EEF1AKMT1: variants seen among roughly 807,000 people sequenced by gnomAD.
EEF1AKMT1 encodes N-6 adenine-specific DNA methyltransferase 2 (putative).
Under a neutral mutation model 21.0 loss-of-function variants are expected in EEF1AKMT1, and 18 were observed. The ratio of observed to expected loss-of-function variants is 0.86; its 90% CI spans 0.59 to 1.27. The LOEUF (loss-of-function observed/expected upper bound fraction) is 1.27, where lower values mean the gene tolerates loss of function less well. EEF1AKMT1 is among the 50% of genes most tolerant of loss of function. EEF1AKMT1 has a pLI of 0.00. For synonymous variants in EEF1AKMT1, 109 were observed against 94.8 expected (o/e 1.15, Z -0.87); for missense variants, 246 against 258.6 (o/e 0.95, Z 0.33).
chr13:20,751,910 G>A (rs946119624), intron 2 of EEF1AKMT1, among the ~76,000 whole-genome samples: 38 of 152,028 alleles, frequency 2.5e-4, no homozygotes, highest in African/African-American at 8.7e-4. Flanking sequence ...TGTAGCTATT[G>A]TAAACAGGAT....
intron 2 of EEF1AKMT1, among the ~76,000 whole-genome samples, chr13:20,755,389 C>T (rs747366462): frequency 4.6e-5 from 7 of 152,352 alleles, no homozygotes; most frequent in South Asian, 2.1e-4. Context: ...AAAGCCATCA[C>T]GTGGTCTCCA....
At chr13:20,756,705 G>A (rs2058973772) in intron 2 of EEF1AKMT1, among the ~76,000 whole-genome samples, 1 of 152,220 alleles carries the variant, frequency 6.6e-6, no homozygotes, top group Non-Finnish European at 1.5e-5. Flanking sequence ...ACCAGATTGA[G>A]AACTTGTCTT....
intron 2 of EEF1AKMT1, among the ~76,000 whole-genome samples, chr13:20,738,878 C>T (rs181211655): frequency 1.3e-5 from 2 of 151,658 alleles, no homozygotes; most frequent in Admixed American, 6.5e-5. Flanking sequence ...TTAGACGCAA[C>T]GAAAATGTTC....
At chr13:20,754,628 GCC>G (rs2058960881) in intron 2 of EEF1AKMT1, among the ~76,000 whole-genome samples, 1 of 151,494 alleles carries the variant, frequency 6.6e-6, no homozygotes, top group Non-Finnish European at 1.5e-5. Flanking sequence ...ATTTTTAAAA[GCC>G]GGGCACAGTA....
chr13:20,734,579 T>TATTTATTA (rs2058815947), intron 3 of EEF1AKMT1, among the ~76,000 whole-genome samples: 1 of 78,514 alleles, frequency 1.3e-5, no homozygotes, highest in South Asian at 7.6e-4. Context: ...TTTATTTTAT[T>TATTTATTA]ATTTATTTAT....
chr13:20,744,148 A>G (rs2058889317), intron 2 of EEF1AKMT1, among the ~76,000 whole-genome samples: 1 of 152,220 alleles, frequency 6.6e-6, no homozygotes, highest in African/African-American at 2.4e-5. Context: ...CAGTGCTGCA[A>G]TAAACATATG....
intron 2 of EEF1AKMT1, among the ~76,000 whole-genome samples, chr13:20,740,798 GTC>G (rs1228923689): frequency 3.9e-5 from 6 of 152,222 alleles, no homozygotes; most frequent in African/African-American, 1.2e-4. Flanking sequence ...GGGAGACTCA[GTC>G]TCAAAACAAA....
At chr13:20,763,457 G>GTT (rs532225725) in intron 1 of EEF1AKMT1, among the ~76,000 whole-genome samples, 44 of 142,032 alleles carry the variant, frequency 3.1e-4, no homozygotes, top group African/African-American at 1.0e-3. Flanking sequence ...CGAAATTTTT[G>GTT]TTTTTTTTTT....
At chr13:20,754,191 TG>T (rs1324627113) in intron 2 of EEF1AKMT1, among the ~76,000 whole-genome samples, 1 of 152,198 alleles carries the variant, frequency 6.6e-6, no homozygotes, top group East Asian at 1.9e-4. Context: ...AGCTTTTACT[TG>T]TCTGGGAGTC....
intron 2 of EEF1AKMT1, among the ~76,000 whole-genome samples, chr13:20,755,620 T>A (rs1332109375): frequency 6.6e-6 from 1 of 152,230 alleles, no homozygotes; most frequent in Non-Finnish European, 1.5e-5. Context: ...ACTTCCCTGT[T>A]GAATTCCAGC....
chr13:20,773,557 G>A (rs1013097621), intron 1 of EEF1AKMT1, among the ~76,000 whole-genome samples: 1 of 152,264 alleles, frequency 6.6e-6, no homozygotes, highest in African/African-American at 2.4e-5. Flanking sequence ...AGCAGGCCGA[G>A]TCCTGTTTCT....
intron 2 of EEF1AKMT1, chr13:20,747,437 G>T (rs1324869392): frequency 9.8e-6 from 2 of 203,586 alleles, no homozygotes; most frequent in East Asian, 1.2e-4. Flanking sequence ...AAACGTACCA[G>T]ATCTCTGTGC....
intron 1 of EEF1AKMT1, among the ~76,000 whole-genome samples, chr13:20,758,819 C>T (rs1309105631): frequency 6.6e-6 from 1 of 152,080 alleles, no homozygotes; most frequent in Non-Finnish European, 1.5e-5. Flanking sequence ...GATAAAAAAA[C>T]AGATACATAA....
rs141472710 is a variant in EEF1AKMT1 at position 20,765,535 on chromosome 13, C to T, written c.-19-7918G>A. Among the ~76,000 whole-genome samples the T allele has an allele frequency of 1.6e-3, 238 of 150,812 alleles. 1 individual carries two copies. The highest frequency in any genetic ancestry group is 5.6e-3 in the African/African-American group (230 of 41,092). ...TCACACGATTCCCCTGCCTCAGCCTCCCCAGTGGCTGCGATTACAAGCGCC... is the reference window on the plus strand; with the variant it reads ...TCACACGATTCCCCTGCCTCAGCCTTCCCAGTGGCTGCGATTACAAGCGCC... On this transcript the variant is annotated intron_variant, in intron 1 of 4. Coordinates refer to ENST00000382758, the MANE Select transcript of EEF1AKMT1 (RefSeq NM_001318939.2).
chr13:20,773,212 G>A (rs1362348274), intron 1 of EEF1AKMT1, among the ~76,000 whole-genome samples: 2 of 152,076 alleles, frequency 1.3e-5, no homozygotes, highest in Non-Finnish European at 2.9e-5. Context: ...TGAAATGCAG[G>A]TCGTACGTGT....
At chr13:20,764,915 A>ACACACACACC (rs2059019732) in intron 1 of EEF1AKMT1, among the ~76,000 whole-genome samples, 1 of 146,498 alleles carries the variant, frequency 6.8e-6, no homozygotes. Context: ...ACACACACAC[A>ACACACACACC]CACCCTAATT....
intron 2 of EEF1AKMT1, among the ~76,000 whole-genome samples, chr13:20,743,843 C>A (rs1035699434): frequency 1.3e-5 from 2 of 151,900 alleles, no homozygotes; most frequent in African/African-American, 4.8e-5. Flanking sequence ...CTTCCCTTGT[C>A]CCCCACCCCC....
At chr13:20,743,362 T>C (rs2252491) in intron 2 of EEF1AKMT1, among the ~76,000 whole-genome samples, 114,758 of 151,824 alleles carry the variant, frequency 0.76, 44,967 homozygotes, top group East Asian at 1. Flanking sequence ...CCAACGTGCC[T>C]GGCTAATACT....
intron 2 of EEF1AKMT1, among the ~76,000 whole-genome samples, chr13:20,752,373 A>T (rs1385696758): frequency 6.6e-6 from 1 of 152,048 alleles, no homozygotes; most frequent in African/African-American, 2.4e-5. Context: ...TGAATTTTTT[A>T]AAATGCTTTT....
Sources: allele counts gnomAD v4.1 joint callset (sites outside exome capture counted in the v4.1 genomes callset), GRCh38; gene constraint gnomAD v4.1.1; transcripts MANE v1.5; gene names NCBI Gene and HGNC (gene_info 2026-07-23, HGNC 2026-07-21).